CRPPA: variants seen among roughly 807,000 people sequenced by gnomAD.
The protein encoded by CRPPA is D-ribitol-5-phosphate cytidylyltransferase.
A neutral mutation model predicts 52.0 loss-of-function variants in CRPPA; 43 were observed. The observed-to-expected ratio is 0.83, with a 90% confidence interval of 0.65 to 1.07. The LOEUF (loss-of-function observed/expected upper bound fraction) is 1.07, where lower values mean the gene tolerates loss of function less well. Ranked by LOEUF, CRPPA falls within the 50% of genes least tolerant of loss-of-function variation. CRPPA has a pLI of 0.00. For missense variants in CRPPA, 629 were observed against 551.7 expected (o/e 1.14, Z -1.40); for synonymous variants, 250 against 203.5 (o/e 1.23, Z -1.94).
chr7:16,317,904 T>C (rs7804654), intron 3 of CRPPA, among the ~76,000 whole-genome samples: 40,389 of 152,134 alleles, frequency 0.27, 7,264 homozygotes, highest in African/African-American at 0.52. Context: ...CTCACCAACA[T>C]TTGTTATTTC....
intron 1 of CRPPA, among the ~76,000 whole-genome samples, chr7:16,418,528 C>T (rs1436038851): frequency 6.6e-6 from 1 of 152,014 alleles, no homozygotes; most frequent in African/African-American, 2.4e-5. Context: ...CTGGGGAGGC[C>T]TCAGGAAACT....
chr7:16,106,828 G>A (rs922236821), intron 9 of CRPPA, among the ~76,000 whole-genome samples: 1 of 152,008 alleles, frequency 6.6e-6, no homozygotes, highest in Non-Finnish European at 1.5e-5. Flanking sequence ...CTGAAGAAGA[G>A]AATTCAGAAT....
At chr7:16,236,950 G>GCGCGCACA (rs113087076) in intron 8 of CRPPA, among the ~76,000 whole-genome samples, 2 of 149,584 alleles carry the variant, frequency 1.3e-5, no homozygotes, top group African/African-American at 4.9e-5. Context: ...TCGTGCGCGC[G>GCGCGCACA]CACACACACA....
chr7:16,307,673 CAAAAAAAA>C (rs55682769), intron 4 of CRPPA, among the ~76,000 whole-genome samples: 10 of 44,368 alleles, frequency 2.3e-4, no homozygotes, highest in African/African-American at 3.6e-4. Context: ...GAAACTCTGT[CAAAAAAAA>C]AAAAAAAAAA....
At chr7:16,342,868 G>C (rs367683189) in intron 3 of CRPPA, among the ~76,000 whole-genome samples, 1 of 80,534 alleles carries the variant, frequency 1.2e-5, no homozygotes, top group African/African-American at 4.0e-5. Flanking sequence ...GATATATAGA[G>C]ATATATATAC....
intron 9 of CRPPA, among the ~76,000 whole-genome samples, chr7:16,106,178 A>G (rs1782147156): frequency 6.6e-6 from 1 of 152,172 alleles, no homozygotes; most frequent in Admixed American, 6.5e-5. Context: ...GGAGAACCAT[A>G]AGAGCTAGAC....
At chr7:16,409,479 T>G (rs1788029617) in intron 1 of CRPPA, among the ~76,000 whole-genome samples, 1 of 152,198 alleles carries the variant, frequency 6.6e-6, no homozygotes, top group Non-Finnish European at 1.5e-5. Flanking sequence ...AGGAGGTGGC[T>G]GCTGTAATCT....
At chr7:16,233,229 T>C (rs1216384620) in intron 8 of CRPPA, among the ~76,000 whole-genome samples, 1 of 152,142 alleles carries the variant, frequency 6.6e-6, no homozygotes, top group South Asian at 2.1e-4. Context: ...AAACAGGTAA[T>C]AAGAGTTGCC....
chr7:16,340,843 G>A (rs1785804993), intron 3 of CRPPA, among the ~76,000 whole-genome samples: 1 of 152,030 alleles, frequency 6.6e-6, no homozygotes, highest in Non-Finnish European at 1.5e-5. Context: ...TCTAAAGCTT[G>A]GAAGCAACCA....
chr7:16,357,891 G>T (rs1169814609), intron 3 of CRPPA, among the ~76,000 whole-genome samples: 1 of 152,146 alleles, frequency 6.6e-6, no homozygotes, highest in East Asian at 1.9e-4. Flanking sequence ...GGCCAGAGTT[G>T]GTGCGTGGTC....
chr7:16,125,277 A>G lies in CRPPA; in HGVS notation c.1252-33478T>C, dbSNP rs547057685. Among the ~76,000 whole-genome samples the G allele has an allele frequency of 6.3e-3, 949 of 149,654 alleles. 13 individuals carry two copies. The highest frequency in any genetic ancestry group is 0.022 in the African/African-American group (908 of 40,612). ...TGTCTCAAAAAAAAAAAAAAAAAAA[A>G]AAAACCAACAACAACTGCAAATAAA... is the stretch of plus-strand genomic sequence containing the variant. On this transcript the variant is annotated intron_variant, in intron 9 of 9. Coordinates refer to ENST00000407010, the MANE Select transcript of CRPPA (RefSeq NM_001101426.4).
intron 3 of CRPPA, among the ~76,000 whole-genome samples, chr7:16,340,506 C>T (rs76991440): frequency 0.042 from 6,322 of 150,768 alleles, 188 homozygotes; most frequent in South Asian, 0.066. Flanking sequence ...ATAGGTCATT[C>T]AGGAAATCCA....
At chr7:16,293,934 C>T (rs1784616264) in intron 5 of CRPPA, among the ~76,000 whole-genome samples, 1 of 152,038 alleles carries the variant, frequency 6.6e-6, no homozygotes, top group South Asian at 2.1e-4. Context: ...TGTTTTCTAA[C>T]TAAATGATAG....
At chr7:16,287,702 G>A (rs1413881193) in intron 5 of CRPPA, among the ~76,000 whole-genome samples, 2 of 152,054 alleles carry the variant, frequency 1.3e-5, no homozygotes, top group African/African-American at 4.8e-5. Flanking sequence ...CGAATGGATT[G>A]CTTGAGGTCA....
intron 1 of CRPPA, among the ~76,000 whole-genome samples, chr7:16,414,449 G>A (rs957963249): frequency 6.6e-6 from 1 of 150,762 alleles, no homozygotes; most frequent in South Asian, 2.1e-4. Flanking sequence ...TAGATTACTG[G>A]CAGGAATTTT....
intron 9 of CRPPA, among the ~76,000 whole-genome samples, chr7:16,188,993 T>C (rs1418693174): frequency 6.6e-6 from 1 of 152,044 alleles, no homozygotes; most frequent in African/African-American, 2.4e-5. Context: ...AAGAAAAAAA[T>C]AACTTAAATG....
intron 9 of CRPPA, chr7:16,210,738 C>T (rs567643713): frequency 6.6e-6 from 1 of 152,020 alleles, no homozygotes; most frequent in East Asian, 1.9e-4. Context: ...CTAACAAATG[C>T]ACTGTTTAAA....
chr7:16,339,745 C>T (rs964132578), intron 3 of CRPPA, among the ~76,000 whole-genome samples: 2 of 152,152 alleles, frequency 1.3e-5, no homozygotes, highest in Admixed American at 6.5e-5. Context: ...AAGAAGTAAA[C>T]TCATTTTCAC....
chr7:16,171,452 T>C (rs992443351), intron 9 of CRPPA, among the ~76,000 whole-genome samples: 8 of 152,128 alleles, frequency 5.3e-5, no homozygotes, highest in Non-Finnish European at 1.0e-4. Flanking sequence ...TCCAAGAAAA[T>C]TTGTTTAGAA....
Sources: gnomAD v4.1 joint callset for allele counts (sites outside exome capture counted in the v4.1 genomes callset) on GRCh38, gnomAD v4.1.1 for gene constraint, MANE v1.5 for transcripts, NCBI Gene and HGNC (gene_info 2026-07-23, HGNC 2026-07-21) for gene names.